The following ZBTB40 variants were observed in gnomAD, a reference collection of about 807,000 sequenced individuals.
The protein encoded by ZBTB40 is zinc finger and BTB domain-containing protein 40.
In ZBTB40, 60 loss-of-function variants were observed where a neutral mutation model predicts 117.5. The observed-to-expected ratio is 0.51, with a 90% confidence interval of 0.41 to 0.63. ZBTB40 has a LOEUF of 0.63. Among genes scored for constraint, ZBTB40 ranks in the 30% least tolerant of loss-of-function variants. The probability of loss-of-function intolerance (pLI) is 0.00; values close to 1 mark genes in which losing one functional copy is unlikely to be tolerated. For missense variants in ZBTB40, 1,287 were observed against 1,498.5 expected, an observed-to-expected ratio of 0.86 and a Z score of 2.33; for synonymous variants, 525 against 577.1, an observed-to-expected ratio of 0.91 and a Z score of 1.29.
At chr1:22,524,991 T>C (rs1048094053) in intron 17 of ZBTB40, among the ~76,000 whole-genome samples, 45 of 152,306 alleles carry the variant, frequency 3.0e-4, no homozygotes, top group African/African-American at 1.0e-3. Flanking sequence ...AAAAGGAAAA[T>C]AAATTCAGGT....
intron 4 of ZBTB40, 49 bp from the exon 5 acceptor site, chr1:22,502,250 T>G: frequency 6.3e-7 from 1 of 1,587,018 alleles, no homozygotes; most frequent in Non-Finnish European, 8.6e-7. Flanking sequence ...TGTCATTTTC[T>G]TCAAATTGAC....
Position 22,508,018 on chromosome 1 carries a change from G to C in ZBTB40, c.1378G>C (p.Asp460His). The C allele has an allele frequency of 1.2e-6, 2 of 1,614,146 alleles. No homozygotes were observed. The highest frequency in any genetic ancestry group is 1.7e-6 in the Non-Finnish European group (2 of 1,180,032). ...PSTTVQPSPD[D>H]YGTELLRRYH... is the part of the protein sequence containing the mutation. The stretch of plus-strand genomic sequence containing the variant: ...CCTTACAGTCCAACCAAGCCCTGAT[G>C]ATTATGGGACTGAGCTATTGAGACG... The change falls in exon 7 of 18, where the codon GAT becomes CAT. Residue 460 changes from aspartate (D) to histidine (H), a missense_variant. Physicochemically the swap from Asp to His is moderately conservative, Grantham distance 81. Transcript: ENST00000375647.
chr1:22,464,118 T>C (rs1370529285), intron 1 of ZBTB40, among the ~76,000 whole-genome samples: 2 of 152,248 alleles, frequency 1.3e-5, no homozygotes, highest in Non-Finnish European at 2.9e-5. Flanking sequence ...TAGGTGTAAC[T>C]CATTTAATCT....
chr1:22,474,944 A>AAT (rs1340619926), intron 1 of ZBTB40, among the ~76,000 whole-genome samples: 2 of 14,142 alleles, frequency 1.4e-4, no homozygotes, highest in African/African-American at 1.3e-3. Flanking sequence ...TACCAACAAT[A>AAT]AAAAAAAAAA....
chr1:22,509,817 A>C (rs1348583582), intron 9 of ZBTB40, among the ~76,000 whole-genome samples: 3 of 152,214 alleles, frequency 2.0e-5, no homozygotes, highest in Admixed American at 6.5e-5. Context: ...GGAGGAGATG[A>C]TGTCAGGATT....
rs553193311 is a variant in ZBTB40 at position 22,504,266 on chromosome 1, C to T, written c.1168-1783C>T. Reference sequence around the variant, plus strand: ...ACTATGCTAATAATGGATGCCATGGCCTTTATAAATATGTTGGGTTTTGTA... The same window carrying T: ...ACTATGCTAATAATGGATGCCATGGTCTTTATAAATATGTTGGGTTTTGTA... On this transcript the variant is annotated intron_variant, in intron 5 of 17. Transcript: ENST00000375647. 1.2e-4 allele frequency among the ~76,000 whole-genome samples: 18 copies of T among 152,028 alleles called. No individual in the cohort carries two copies. In the South Asian group the frequency reaches 3.5e-3, roughly 30 times the overall value.
At chr1:22,522,352 A>G (rs373018636) in intron 15 of ZBTB40, 25 bp from the exon 16 acceptor site, 1 of 1,612,686 alleles carries the variant, frequency 6.2e-7, no homozygotes, top group East Asian at 2.2e-5. Context: ...CTTTCCCAGC[A>G]CGTCTTTCTT....
chr1:22,486,526 A>G (rs919472166), intron 1 of ZBTB40, among the ~76,000 whole-genome samples: 2 of 152,070 alleles, frequency 1.3e-5, no homozygotes, highest in Non-Finnish European at 2.9e-5. Context: ...TTTCTTCACT[A>G]TTCGTTGTGA....
rs1445563905 is a variant in ZBTB40 at position 22,524,277 on chromosome 1, C to A, written c.3358C>A (p.Gln1120Lys). The A allele has an allele frequency of 6.2e-7, 1 of 1,614,084 alleles. No individual in the cohort carries two copies. The highest frequency in any genetic ancestry group is 8.5e-7 in the Non-Finnish European group (1 of 1,180,052). Residue 1120 changes from glutamine to lysine, a missense_variant, in exon 17 of 18, where the codon CAG (glutamine) becomes AAG (lysine). By Grantham distance (53) the Gln-to-Lys change is moderately conservative. Coordinates refer to ENST00000375647, the MANE Select transcript of ZBTB40 (RefSeq NM_014870.4). ...TACTTTCCGTTTTCCTGGAGCATTG[C>A]AGCACCATGTCACCACGGAGCACTT... ...AATFRFPGAL[Q>K]HHVTTEHFKQ...
At chr1:22,461,327 T>C (rs1641126681) in intron 1 of ZBTB40, among the ~76,000 whole-genome samples, 1 of 31,910 alleles carries the variant, frequency 3.1e-5, no homozygotes, top group African/African-American at 9.5e-5. Context: ...TAGAGTTCCG[T>C]TGTTTTTTTT....
intron 3 of ZBTB40, among the ~76,000 whole-genome samples, chr1:22,498,608 A>G (rs1445302677): frequency 6.6e-6 from 1 of 152,216 alleles, no homozygotes; most frequent in African/African-American, 2.4e-5. Flanking sequence ...AAGTGAACAA[A>G]TGTTTTAATT....
intron 1 of ZBTB40, among the ~76,000 whole-genome samples, chr1:22,482,376 G>A (rs558840790): frequency 2.2e-4 from 34 of 152,220 alleles, no homozygotes; most frequent in African/African-American, 7.9e-4. Flanking sequence ...ATTACAGAGG[G>A]TTTGCAGATC....
intron 5 of ZBTB40, among the ~76,000 whole-genome samples, chr1:22,504,440 A>G (rs1451457727): frequency 6.6e-6 from 1 of 152,214 alleles, no homozygotes; most frequent in Non-Finnish European, 1.5e-5. Context: ...CCTCATAGCA[A>G]CTTTATGACA....
At chr1:22,494,436 G>A (rs1006402379) in intron 3 of ZBTB40, among the ~76,000 whole-genome samples, 2 of 152,182 alleles carry the variant, frequency 1.3e-5, no homozygotes, top group Non-Finnish European at 2.9e-5. Context: ...CATCTGAGGT[G>A]CTTGTTAAAA....
intron 1 of ZBTB40, among the ~76,000 whole-genome samples, chr1:22,455,320 G>A (rs1175141382): frequency 6.6e-6 from 1 of 152,188 alleles, no homozygotes; most frequent in Admixed American, 6.5e-5. Context: ...TGAGGCAAAT[G>A]GCAGGCTTTT....
In ZBTB40 at chr1:22,490,007, A is replaced by G; in HGVS notation, c.59A>G (p.Glu20Gly). The G allele has an allele frequency of 6.2e-7, 1 of 1,613,900 alleles. No individual in the cohort carries two copies. Among genetic ancestry groups the G allele is most frequent in the Non-Finnish European group, 8.5e-7 (1 of 1,180,022 alleles). ...LLQQLYTLCK[E>G]QQFCDCTISI... is the part of the protein sequence containing the mutation. ...CAGCAGCTGTACACTCTGTGCAAGG[A>G]GCAGCAGTTCTGTGATTGCACCATC... Residue 20 changes from glutamate (E) to glycine (G), a missense_variant, in exon 2 of 18, where the codon GAG (glutamate) becomes GGG (glycine). Physicochemically the swap from Glu to Gly is moderately conservative, Grantham distance 98 (BLOSUM62 -2). Around this residue, in one of 2 missense-constraint regions of ZBTB40, gnomAD observed 870 missense variants for 934.4 expected, o/e 0.93. Coordinates refer to ENST00000375647, the MANE Select transcript of ZBTB40 (RefSeq NM_014870.4).
intron 1 of ZBTB40, among the ~76,000 whole-genome samples, chr1:22,459,820 T>C (rs1019322624): frequency 5.9e-5 from 9 of 152,206 alleles, no homozygotes; most frequent in Non-Finnish European, 1.0e-4. Flanking sequence ...ATATTGACTC[T>C]TCTATCCAAG....
chr1:22,528,304 G>A lies in ZBTB40; in HGVS notation c.*1908G>A, dbSNP rs1251391561. 3 of 152,482 alleles carry A rather than the reference G, an allele frequency of 2.0e-5. No homozygotes were observed. Among genetic ancestry groups the A allele is most frequent in the African/African-American group, 7.2e-5 (3 of 41,450 alleles). 9.4% of individuals were successfully genotyped at this position (152,482 alleles called of 1,614,324 possible). A position where few individuals can be genotyped will look rare whatever the true frequency, so the allele number is the denominator to read the frequency against. ...ACAGGGCATTGGTGCCAAGTCCAGT[G>A]GATGAGAATCCAGCCCCTCACAAGC... On this transcript the variant is annotated 3_prime_UTR_variant, in exon 18 of 18. Coordinates refer to ENST00000375647, the MANE Select transcript of ZBTB40 (RefSeq NM_014870.4).
At position 22,529,572 on chromosome 1, in the gene ZBTB40, A is replaced by C. The variant is rs1639775618; in HGVS notation, c.*3176A>C. On this transcript the variant is annotated 3_prime_UTR_variant, in exon 18 of 18. Transcript: ENST00000375647. ...CGGGAAGGTGAGACTCCTACTGTCC[A>C]CGCGCATGAGCAGAACCTGGAACCA... is the stretch of plus-strand genomic sequence containing the variant. 6.6e-6 allele frequency: 1 copy of C among 152,402 alleles called. No homozygotes were observed. The highest frequency in any genetic ancestry group is 2.4e-5 in the African/African-American group (1 of 41,460). 9.4% of individuals were successfully genotyped at this position (152,402 alleles called of 1,614,324 possible). A position where few individuals can be genotyped will look rare whatever the true frequency, so the allele number is the denominator to read the frequency against.
Sources: allele counts gnomAD v4.1 joint callset (sites outside exome capture counted in the v4.1 genomes callset), GRCh38; gene constraint gnomAD v4.1.1; regional missense constraint gnomAD v4.1.1; transcripts MANE v1.5; gene names NCBI Gene and HGNC (gene_info 2026-07-23, HGNC 2026-07-21).